The following MAOA variants were observed in gnomAD, a reference collection of about 807,000 sequenced individuals.
MAOA encodes monoamine oxidase A.
MAOA carries 6 observed loss-of-function variants against 42.0 expected under a neutral mutation model. The ratio of observed to expected loss-of-function variants is 0.14; its 90% CI spans 0.08 to 0.28. MAOA has a LOEUF of 0.28. MAOA is among the 10% of genes least tolerant of loss of function. The pLI, the probability that MAOA is intolerant of heterozygous loss-of-function variation, is 1.00. For missense variants in MAOA, 262 were observed against 422.3 expected, an observed-to-expected ratio of 0.62 and a Z score of 3.33; for synonymous variants, 140 against 154.0, an observed-to-expected ratio of 0.91 and a Z score of 0.67.
At chrX:43,701,675 A>T (rs778291379) in intron 3 of MAOA, among the ~76,000 whole-genome samples, 2 of 111,673 alleles carry the variant, frequency 1.8e-5, no homozygotes, top group East Asian at 2.8e-4. Flanking sequence ...GACACAAAGG[A>T]TTTCTCTCAC....
At chrX:43,704,252 C>T (rs918196629) in intron 3 of MAOA, among the ~76,000 whole-genome samples, 1 of 111,093 alleles carries the variant, frequency 9.0e-6, no homozygotes, top group African/African-American at 3.3e-5. Flanking sequence ...TACTAGCAAA[C>T]TGAATCTAGC....
intron 1 of MAOA, among the ~76,000 whole-genome samples, chrX:43,664,542 G>A (rs1475052016): frequency 9.0e-6 from 1 of 111,598 alleles, no homozygotes; most frequent in African/African-American, 3.3e-5. Context: ...CATGGAGGAA[G>A]TCATACTCGA....
intron 3 of MAOA, among the ~76,000 whole-genome samples, chrX:43,708,930 G>A (rs1054733736): frequency 1.1e-4 from 12 of 110,263 alleles, no homozygotes; most frequent in African/African-American, 3.3e-4. Context: ...ACGTGATCTC[G>A]GCTCACTGCA....
At chrX:43,656,232 A>T, upstream of MAOA, 1 of 665,606 alleles carries the variant, frequency 1.5e-6, no homozygotes, top group East Asian at 3.5e-5. Context: ...GTATCAAAAG[A>T]AGGATCGGCT....
At position 43,712,794 on chromosome X, in the gene MAOA, A is replaced by C; in HGVS notation, c.501A>C (p.Thr167=). The change falls in exon 5 of 15, where the codon ACA becomes ACC. Residue 167 remains threonine, a splice_region_variant and synonymous_variant. Transcript: ENST00000338702. ...AGCTCATTGACAAAATCTGCTGGAC[A>C]AAGTAAGTAGACTTGACCATTCAAA... ...MKELIDKICW[T]KTARRFAYLF... The C allele has an allele frequency of 8.4e-7, 1 of 1,190,217 alleles. No homozygotes were observed. The highest frequency in any genetic ancestry group is 3.0e-5 in the East Asian group (1 of 33,740).
At chrX:43,728,039 A>T in intron 5 of MAOA, 134 bp from the exon 6 acceptor site, 1 of 623,601 alleles carries the variant, frequency 1.6e-6, no homozygotes, top group Non-Finnish European at 2.7e-6. Context: ...TCCTTCAGAA[A>T]TTGAATCCTT....
intron 1 of MAOA, among the ~76,000 whole-genome samples, chrX:43,658,854 G>A (rs1027287565): frequency 1.8e-5 from 2 of 111,882 alleles, no homozygotes; most frequent in Admixed American, 1.9e-4. Context: ...AGTGTTTCAT[G>A]AGCGGGTGAG....
At chrX:43,672,456 C>T (rs1202125810) in intron 1 of MAOA, among the ~76,000 whole-genome samples, 4 of 110,842 alleles carry the variant, frequency 3.6e-5, no homozygotes, top group Non-Finnish European at 5.7e-5. Flanking sequence ...GACTAATTGC[C>T]CTGGCCAGAA....
intron 5 of MAOA, among the ~76,000 whole-genome samples, chrX:43,721,375 A>G (rs1401246346): frequency 8.9e-6 from 1 of 111,819 alleles, no homozygotes; most frequent in Non-Finnish European, 1.9e-5. Context: ...ACTGGTCTAG[A>G]GGCTGATAGT....
intron 2 of MAOA, among the ~76,000 whole-genome samples, chrX:43,689,542 T>C: frequency 1.8e-5 from 2 of 112,111 alleles, no homozygotes; most frequent in Middle Eastern, 4.7e-3. Flanking sequence ...TTTATCAACA[T>C]ACTATCTTTC....
intron 5 of MAOA, among the ~76,000 whole-genome samples, chrX:43,719,978 T>C (rs1289751701): frequency 1.8e-5 from 2 of 108,458 alleles, no homozygotes; most frequent in Non-Finnish European, 3.8e-5. Flanking sequence ...TCTAACAAAA[T>C]GACTGACAGG....
chrX:43,687,063 A>C (rs1363736859), intron 2 of MAOA, among the ~76,000 whole-genome samples: 1 of 111,370 alleles, frequency 9.0e-6, no homozygotes, highest in Non-Finnish European at 1.9e-5. Context: ...TTCAGAGTCA[A>C]ATTAATAAAG....
At chrX:43,677,600 G>T (rs1601929977) in intron 1 of MAOA, among the ~76,000 whole-genome samples, 1 of 111,548 alleles carries the variant, frequency 9.0e-6, no homozygotes, top group African/African-American at 3.3e-5. Context: ...GAGAGGAATT[G>T]TATTGTTTTA....
At chrX:43,697,923 A>T (rs935635270) in intron 3 of MAOA, among the ~76,000 whole-genome samples, 2 of 112,377 alleles carry the variant, frequency 1.8e-5, no homozygotes, top group Admixed American at 1.9e-4. Flanking sequence ...TACTTATTTT[A>T]AAATATCTTA....
chrX:43,706,092 A>G (rs1252693134), intron 3 of MAOA, among the ~76,000 whole-genome samples: 1 of 112,331 alleles, frequency 8.9e-6, no homozygotes, highest in Non-Finnish European at 1.9e-5. Flanking sequence ...AAGAGTGACT[A>G]CTAATAATTA....
chrX:43,691,960 A>G (rs1178927861), intron 2 of MAOA, among the ~76,000 whole-genome samples: 1 of 109,547 alleles, frequency 9.1e-6, no homozygotes, highest in East Asian at 2.9e-4. Flanking sequence ...TAGGTAAATT[A>G]TAACAAAATA....
At chrX:43,676,312 G>T (rs186028515) in intron 1 of MAOA, among the ~76,000 whole-genome samples, 11 of 111,926 alleles carry the variant, frequency 9.8e-5, no homozygotes, top group Admixed American at 6.6e-4. Context: ...GCAGTATTAG[G>T]GTGGGAGTGA....
At chrX:43,710,503 T>G (rs375995942) in intron 3 of MAOA, among the ~76,000 whole-genome samples, 94 of 112,376 alleles carry the variant, frequency 8.4e-4, no homozygotes, top group African/African-American at 2.8e-3. Context: ...AAAAATCCAA[T>G]ACAGCTTTCA....
intron 4 of MAOA, 124 bp downstream of exon 4, chrX:43,712,100 C>A: frequency 3.6e-6 from 2 of 557,857 alleles, no homozygotes; most frequent in African/African-American, 2.2e-5. Flanking sequence ...CCCATGTACC[C>A]AAACTGCAAA....
Sources: allele counts gnomAD v4.1 joint callset (sites outside exome capture counted in the v4.1 genomes callset), GRCh38; gene constraint gnomAD v4.1.1; transcripts MANE v1.5; gene names NCBI Gene and HGNC (gene_info 2026-07-23, HGNC 2026-07-21).